The following PIGL variants were observed in gnomAD, a reference collection of about 807,000 sequenced individuals.
PIGL encodes N-acetylglucosaminyl-phosphatidylinositol de-N-acetylase.
PIGL carries 22 observed loss-of-function variants against 31.1 expected under a neutral mutation model. That is an observed-to-expected ratio of 0.71 (90% CI 0.51 to 1.01). The LOEUF (loss-of-function observed/expected upper bound fraction) is 1.01. PIGL is among the 50% of genes least tolerant of loss of function. The probability of loss-of-function intolerance (pLI) is 0.00; values close to 1 mark genes in which losing one functional copy is unlikely to be tolerated. For missense variants in PIGL, 302 were observed against 315.9 expected (o/e 0.96, Z 0.33); for synonymous variants, 131 against 117.4 (o/e 1.12, Z -0.75).
chr17:16,317,184 C>T, intron 5 of PIGL: 1 of 1,010,958 alleles, frequency 9.9e-7, no homozygotes, highest in Non-Finnish European at 1.2e-6. Flanking sequence ...GTCTGTCATA[C>T]CTCACCGGCG....
chr17:16,230,446 A>G (rs2092673711), intron 1 of PIGL, among the ~76,000 whole-genome samples: 1 of 152,156 alleles, frequency 6.6e-6, no homozygotes, highest in South Asian at 2.1e-4. Flanking sequence ...TGTTACCCCG[A>G]ATAGATCTTG....
At chr17:16,315,859 G>A (rs1050528989) in intron 4 of PIGL, among the ~76,000 whole-genome samples, 16 of 151,506 alleles carry the variant, frequency 1.1e-4, no homozygotes, top group African/African-American at 3.6e-4. Flanking sequence ...CACCACGCCC[G>A]GTTAATTTTT....
At chr17:16,287,867 C>T (rs1239814788) in intron 2 of PIGL, among the ~76,000 whole-genome samples, 2 of 152,162 alleles carry the variant, frequency 1.3e-5, no homozygotes, top group Non-Finnish European at 2.9e-5. Flanking sequence ...CTTTCCACTC[C>T]AATTGCGGTG....
chr17:16,326,022 C>A lies in PIGL; in HGVS notation c.*124C>A. 1.5e-6 allele frequency: 1 copy of A among 681,994 alleles called. No individual in the cohort carries two copies. Among genetic ancestry groups the A allele is most frequent in the Non-Finnish European group, 2.5e-6 (1 of 399,268 alleles). 42.2% of individuals were successfully genotyped at this position (681,994 alleles called of 1,614,324 possible). A position where few individuals can be genotyped will look rare whatever the true frequency, so the allele number is the denominator to read the frequency against. On this transcript the variant is annotated 3_prime_UTR_variant, in exon 7 of 7. Coordinates refer to ENST00000225609, the MANE Select transcript of PIGL (RefSeq NM_004278.4). Reference sequence around the variant, plus strand: ...GAGATCCCCGCTGGAGCAGCCTCTGCAAAAGGGAGCCCATGTAGGCCAGGG... The same window carrying A: ...GAGATCCCCGCTGGAGCAGCCTCTGAAAAAGGGAGCCCATGTAGGCCAGGG...
chr17:16,283,863 G>A (rs994142207), intron 2 of PIGL, among the ~76,000 whole-genome samples: 5 of 152,138 alleles, frequency 3.3e-5, no homozygotes, highest in African/African-American at 1.2e-4. Context: ...TTATCTCATA[G>A]TTCCCTTCCT....
chr17:16,228,073 T>C (rs2142655177), intron 1 of PIGL, among the ~76,000 whole-genome samples: 1 of 147,392 alleles, frequency 6.8e-6, no homozygotes, highest in African/African-American at 2.5e-5. Context: ...TTTTTTGAGA[T>C]GGAGTTTCAC....
In PIGL at chr17:16,225,383, CT is replaced by C. The variant is rs948575134; in HGVS notation, c.235+7945del. On this transcript the variant is annotated intron_variant, in intron 1 of 6. Transcript: ENST00000225609. ...GATTTTTTTAAATGTAAGCACGTTT[CT>C]TTTTTTTTTTTTTTTTTTTTTTGAT... 6.9e-3 allele frequency among the ~76,000 whole-genome samples: 669 copies of C among 97,534 alleles called. 2 individuals carry two copies. The highest frequency in any genetic ancestry group is 0.024 in the African/African-American group (572 of 23,978). 64.0% of individuals were successfully genotyped at this position (97,534 alleles called of 152,430 possible).
At chr17:16,305,628 G>T (rs1411083509) in intron 3 of PIGL, among the ~76,000 whole-genome samples, 1 of 152,160 alleles carries the variant, frequency 6.6e-6, no homozygotes, top group African/African-American at 2.4e-5. Context: ...TTTCAAAAGT[G>T]ATGGAGCTGA....
At chr17:16,322,230 A>T (rs2093109149) in intron 6 of PIGL, among the ~76,000 whole-genome samples, 1 of 151,834 alleles carries the variant, frequency 6.6e-6, no homozygotes, top group South Asian at 2.1e-4. Flanking sequence ...AGTAGCTGGG[A>T]CTATAGGGGC....
rs140919704 is a variant in PIGL at position 16,288,484 on chromosome 17, C to T, written c.336-11404C>T. ...CCTCCCAAAGTGCTGGGATTACAGG[C>T]GTGAGCCACTGCGTCCAGCCTATTA... On this transcript the variant is annotated intron_variant, in intron 2 of 6. Transcript: ENST00000225609. Among the ~76,000 whole-genome samples the T allele has an allele frequency of 1.2e-3, 178 of 152,252 alleles. 1 individual carries two copies. Among genetic ancestry groups the T allele is most frequent in the African/African-American group, 3.8e-3 (156 of 41,560 alleles).
intron 2 of PIGL, among the ~76,000 whole-genome samples, chr17:16,277,243 T>G (rs1489151401): frequency 6.6e-6 from 1 of 151,998 alleles, no homozygotes; most frequent in Non-Finnish European, 1.5e-5. Flanking sequence ...AGTCAAAGCC[T>G]TGGTGAAAAA....
chr17:16,291,782 T>C (rs1172923480), intron 2 of PIGL, among the ~76,000 whole-genome samples: 1 of 151,142 alleles, frequency 6.6e-6, no homozygotes, highest in Non-Finnish European at 1.5e-5. Flanking sequence ...GAAGAATCAC[T>C]TGAATCTGGG....
intron 1 of PIGL, among the ~76,000 whole-genome samples, chr17:16,229,247 G>C (rs140347051): frequency 6.6e-6 from 1 of 151,786 alleles, no homozygotes. Context: ...GCTGCATTCC[G>C]GCCTGGGTGA....
intron 3 of PIGL, among the ~76,000 whole-genome samples, chr17:16,300,930 C>T (rs1386555181): frequency 6.6e-6 from 1 of 152,168 alleles, no homozygotes; most frequent in Non-Finnish European, 1.5e-5. Flanking sequence ...CCAGTCTCAG[C>T]TCTTCTAGGA....
At chr17:16,232,859 C>G (rs2092684586) in intron 1 of PIGL, among the ~76,000 whole-genome samples, 1 of 152,000 alleles carries the variant, frequency 6.6e-6, no homozygotes, top group Admixed American at 6.6e-5. Context: ...GTGGCTCACA[C>G]TTGTAATCCC....
At chr17:16,268,780 T>A (rs570228580) in intron 2 of PIGL, among the ~76,000 whole-genome samples, 1 of 151,304 alleles carries the variant, frequency 6.6e-6, no homozygotes, top group East Asian at 2.0e-4. Flanking sequence ...TTTGTTTTTT[T>A]AGATGGGAGT....
intron 1 of PIGL, 157 bp downstream of exon 1, chr17:16,217,618 G>T: frequency 1.6e-6 from 1 of 607,840 alleles, no homozygotes; most frequent in Admixed American, 3.1e-5. Context: ...AGGGACAGGA[G>T]CGGCCGGCTT....
intron 6 of PIGL, among the ~76,000 whole-genome samples, chr17:16,325,383 TG>T (rs1263407843): frequency 6.7e-6 from 1 of 149,588 alleles, no homozygotes; most frequent in Non-Finnish European, 1.5e-5. Context: ...ATCAATCAGT[TG>T]GCTCTGGGTT....
intron 1 of PIGL, among the ~76,000 whole-genome samples, chr17:16,231,891 T>A (rs2092680998): frequency 6.6e-6 from 1 of 152,234 alleles, no homozygotes; most frequent in African/African-American, 2.4e-5. Context: ...TGAGTTTTTT[T>A]ATTTATTTAC....
Sources: gnomAD v4.1 joint callset for allele counts (sites outside exome capture counted in the v4.1 genomes callset) on GRCh38, gnomAD v4.1.1 for gene constraint, MANE v1.5 for transcripts, NCBI Gene and HGNC (gene_info 2026-07-23, HGNC 2026-07-21) for gene names.